TBC1D9: variants seen among roughly 807,000 people sequenced by gnomAD.
TBC1D9 encodes TBC1 domain family member 9.
In TBC1D9, 63 loss-of-function variants were observed where a neutral mutation model predicts 132.0. The observed-to-expected ratio is 0.48, with a 90% confidence interval of 0.39 to 0.59. TBC1D9 has a LOEUF of 0.59. Ranked by LOEUF, TBC1D9 falls within the 20% of genes least tolerant of loss-of-function variation. TBC1D9 has a pLI of 0.00. For synonymous variants in TBC1D9, 610 were observed against 609.9 expected (o/e 1.00, Z 0.00); for missense variants, 1,261 against 1,592.7 (o/e 0.79, Z 3.54).
chr4:140,726,573 ACTT>A (rs1311378885), intron 1 of TBC1D9, among the ~76,000 whole-genome samples: 1 of 152,176 alleles, frequency 6.6e-6, no homozygotes, highest in Non-Finnish European at 1.5e-5. Flanking sequence ...CCAAGTATAA[ACTT>A]CTTATGTTCA....
chr4:140,669,248 T>C (rs1302168845), intron 8 of TBC1D9, among the ~76,000 whole-genome samples, 181 bp from the exon 9 acceptor site: 1 of 152,220 alleles, frequency 6.6e-6, no homozygotes, highest in African/African-American at 2.4e-5. Flanking sequence ...TATCATGGCC[T>C]ACAGCTCTGC....
intron 6 of TBC1D9, among the ~76,000 whole-genome samples, chr4:140,672,487 T>C (rs1229218351): frequency 1.1e-4 from 16 of 152,134 alleles, no homozygotes. Flanking sequence ...CTTTTGGTCA[T>C]GAGGTGTCTG....
chr4:140,647,227 G>A (rs1379571967), intron 13 of TBC1D9, among the ~76,000 whole-genome samples: 3 of 152,210 alleles, frequency 2.0e-5, no homozygotes, highest in Non-Finnish European at 4.4e-5. Flanking sequence ...ACTTTAGTGA[G>A]TCTAGACTGC....
intron 13 of TBC1D9, 54 bp downstream of exon 13, chr4:140,657,043 G>A: frequency 1.9e-5 from 31 of 1,593,086 alleles, no homozygotes; most frequent in Middle Eastern, 4.2e-4. Flanking sequence ...ACAGGCAGCA[G>A]TGGAAGTGTC....
At chr4:140,677,196 C>G (rs1192403252) in intron 5 of TBC1D9, 95 bp from the exon 6 acceptor site, 2 of 1,437,562 alleles carry the variant, frequency 1.4e-6, no homozygotes, top group African/African-American at 2.8e-5. Flanking sequence ...TTTTCCACCT[C>G]CTCAATCTTG....
chr4:140,686,261 G>A, intron 3 of TBC1D9, 83 bp downstream of exon 3: 1 of 912,362 alleles, frequency 1.1e-6, no homozygotes, highest in Admixed American at 2.1e-5. Flanking sequence ...ATACAGGTAT[G>A]TTTTACTCAA....
chr4:140,754,574 C>T (rs1382073752), intron 1 of TBC1D9, among the ~76,000 whole-genome samples: 1 of 129,470 alleles, frequency 7.7e-6, no homozygotes, highest in African/African-American at 2.9e-5. Context: ...GAGATCACGC[C>T]ACTGCACTCC....
Position 140,732,611 on chromosome 4 carries a change from G to T in TBC1D9, c.130+23305C>A, listed in dbSNP as rs1051566950. Among the ~76,000 whole-genome samples the T allele has an allele frequency of 3.4e-4, 51 of 152,030 alleles. 1 individual carries two copies. The highest frequency in any genetic ancestry group is 9.2e-4 in the Admixed American group (14 of 15,244). On this transcript the variant is annotated intron_variant, in intron 1 of 20. Coordinates refer to ENST00000442267, the MANE Select transcript of TBC1D9 (RefSeq NM_015130.3). ...ATTTAATTAACTGAAATGAAATCTG[G>T]TGTTGGTCGGGTAACATCAGCCACA...
At chr4:140,660,616 GT>G (rs1182495853) in intron 10 of TBC1D9, among the ~76,000 whole-genome samples, 28 of 152,248 alleles carry the variant, frequency 1.8e-4, no homozygotes, top group Admixed American at 1.2e-3. Flanking sequence ...GCGGAGATAG[GT>G]TTTTTTAGGG....
intron 13 of TBC1D9, chr4:140,642,971 C>T: frequency 1.5e-6 from 1 of 665,754 alleles, no homozygotes; most frequent in Non-Finnish European, 2.6e-6. Context: ...GGTGCTGGAC[C>T]TCGGCCCGCC....
chr4:140,725,655 G>A (rs1056087049), intron 1 of TBC1D9, among the ~76,000 whole-genome samples: 12 of 152,088 alleles, frequency 7.9e-5, no homozygotes, highest in Admixed American at 3.3e-4. Context: ...CCCATATCTC[G>A]TTTGCTGGAT....
chr4:140,639,309 GCTACTTCTTAAAGGACTTACCA>G lies in TBC1D9; in HGVS notation c.2435_2436+20del. The G allele has an allele frequency of 6.3e-7, 1 of 1,586,316 alleles. No homozygotes were observed. The highest frequency in any genetic ancestry group is 1.3e-5 in the African/African-American group (1 of 74,650). On this transcript the variant is annotated splice_donor_variant and splice_donor_5th_base_variant and coding_sequence_variant and intron_variant, in exon 14 of 21. Transcript: ENST00000442267. LOFTEE classifies it high-confidence loss of function. ...AGAAGGAAGATGACAGAGGTTGCCT[GCTACTTCTTAAAGGACTTACCA>G]CGTTGCGTTTCGTAGTATCCTCCAG...
At chr4:140,632,860 A>G (rs1736819695) in intron 16 of TBC1D9, among the ~76,000 whole-genome samples, 1 of 152,240 alleles carries the variant, frequency 6.6e-6, no homozygotes, top group African/African-American at 2.4e-5. Context: ...GTCAGTTATC[A>G]CTATCATTAT....
At chr4:140,682,646 C>T (rs576156968) in intron 3 of TBC1D9, among the ~76,000 whole-genome samples, 9 of 152,202 alleles carry the variant, frequency 5.9e-5, no homozygotes, top group Admixed American at 1.3e-4. Flanking sequence ...TGAATGAGAA[C>T]CTGCTAACAG....
intron 13 of TBC1D9, among the ~76,000 whole-genome samples, chr4:140,651,902 G>A (rs1737192315): frequency 6.6e-6 from 1 of 152,194 alleles, no homozygotes; most frequent in Non-Finnish European, 1.5e-5. Context: ...CCAGGGCTGA[G>A]CATGATACCT....
intron 2 of TBC1D9, among the ~76,000 whole-genome samples, chr4:140,698,722 AGTGAGACTCCATCTCGGGGGT>A (rs945005147): frequency 1.1e-4 from 15 of 142,118 alleles, no homozygotes; most frequent in African/African-American, 4.0e-4. Flanking sequence ...TGGGCGACAG[AGTGAGACTCCATCTCGGGGGT>A]GGGGGGGGGA....
At chr4:140,709,951 G>A (rs1190427400) in intron 1 of TBC1D9, among the ~76,000 whole-genome samples, 3 of 152,180 alleles carry the variant, frequency 2.0e-5, no homozygotes, top group Non-Finnish European at 2.9e-5. Flanking sequence ...TTCCTAACAG[G>A]CCACGGACTG....
At chr4:140,681,405 C>T (rs1737700935) in intron 3 of TBC1D9, among the ~76,000 whole-genome samples, 1 of 152,250 alleles carries the variant, frequency 6.6e-6, no homozygotes, top group Admixed American at 6.5e-5. Flanking sequence ...GACCTTTCAC[C>T]CTGTTGCCGG....
At chr4:140,653,518 A>G (rs1308430199) in intron 13 of TBC1D9, among the ~76,000 whole-genome samples, 1 of 152,204 alleles carries the variant, frequency 6.6e-6, no homozygotes, top group African/African-American at 2.4e-5. Context: ...TTCAGATTTA[A>G]TTGGTCTGGG....
Sources: gnomAD v4.1 joint callset for allele counts (sites outside exome capture counted in the v4.1 genomes callset) on GRCh38, gnomAD v4.1.1 for gene constraint, MANE v1.5 for transcripts, NCBI Gene and HGNC (gene_info 2026-07-23, HGNC 2026-07-21) for gene names.